The following ACTR3 variants were observed in gnomAD, a reference collection of about 807,000 sequenced individuals.
ACTR3 encodes the protein actin-related protein 3.
A neutral mutation model predicts 56.8 loss-of-function variants in ACTR3; 12 were observed. The ratio of observed to expected loss-of-function variants is 0.21; its 90% CI spans 0.14 to 0.34. The LOEUF is 0.34. Ranked by LOEUF, ACTR3 falls within the 10% of genes least tolerant of loss-of-function variation. The probability of loss-of-function intolerance (pLI) is 1.00; values close to 1 mark genes in which losing one functional copy is unlikely to be tolerated. For missense variants in ACTR3, 282 were observed against 512.5 expected (o/e 0.55, Z 4.34); for synonymous variants, 162 against 167.4 (o/e 0.97, Z 0.25).
intron 6 of ACTR3, among the ~76,000 whole-genome samples, chr2:113,936,865 C>G (rs1017677224): frequency 3.9e-5 from 6 of 152,152 alleles, no homozygotes; most frequent in Non-Finnish European, 8.8e-5. Context: ...TGTCCATCTT[C>G]TTTATATGTC....
At position 113,957,528 on chromosome 2, in the gene ACTR3, A is replaced by G. The variant is rs1384121140; in HGVS notation, c.*73A>G. The G allele has an allele frequency of 8.6e-6, 11 of 1,279,610 alleles. No individual in the cohort carries two copies. The highest frequency in any genetic ancestry group is 1.2e-5 in the Non-Finnish European group (11 of 883,264). 79.3% of individuals were successfully genotyped at this position (1,279,610 alleles called of 1,614,324 possible). ...CTTTCTGATTACCTGTTTTGTCTGG[A>G]TGGCTGGTTTTGAGGTTTTAAACCT... On this transcript the variant is annotated 3_prime_UTR_variant, in exon 12 of 12. Coordinates refer to ENST00000263238, the MANE Select transcript of ACTR3 (RefSeq NM_005721.5).
intron 1 of ACTR3, among the ~76,000 whole-genome samples, chr2:113,900,541 T>C (rs1679081722): frequency 6.6e-6 from 1 of 152,232 alleles, no homozygotes; most frequent in Admixed American, 6.5e-5. Flanking sequence ...AAGGAAGGCC[T>C]ATGGATAAAG....
intron 1 of ACTR3, among the ~76,000 whole-genome samples, chr2:113,909,954 G>T (rs143241414): frequency 1.3e-5 from 2 of 152,136 alleles, no homozygotes; most frequent in African/African-American, 2.4e-5. Flanking sequence ...GAGTTAGGCC[G>T]TTTGAAATTG....
chr2:113,936,490 T>G (rs1679830114), intron 6 of ACTR3, among the ~76,000 whole-genome samples: 1 of 152,202 alleles, frequency 6.6e-6, no homozygotes, highest in South Asian at 2.1e-4. Flanking sequence ...TGGGTTGTAG[T>G]AAACATCTTT....
At chr2:113,925,509 T>C (rs1406859224) in intron 3 of ACTR3, among the ~76,000 whole-genome samples, 1 of 152,230 alleles carries the variant, frequency 6.6e-6, no homozygotes, top group African/African-American at 2.4e-5. Context: ...ACTTTATTTT[T>C]TTTAAAAACC....
chr2:113,937,537 C>G (rs1038597853), intron 6 of ACTR3, among the ~76,000 whole-genome samples: 3 of 152,208 alleles, frequency 2.0e-5, no homozygotes, highest in African/African-American at 7.2e-5. Context: ...TAGTGCTGAT[C>G]TGCTGGCTTT....
chr2:113,928,128 A>G (rs560787717), intron 4 of ACTR3, among the ~76,000 whole-genome samples: 1 of 152,234 alleles, frequency 6.6e-6, no homozygotes, highest in East Asian at 1.9e-4. Flanking sequence ...CTCTCCCTCA[A>G]CACAAAATAC....
intron 3 of ACTR3, among the ~76,000 whole-genome samples, chr2:113,920,159 G>T (rs1033288727): frequency 2.6e-5 from 4 of 152,198 alleles, no homozygotes; most frequent in African/African-American, 9.7e-5. Flanking sequence ...CTGACTTCAG[G>T]TGATCTGCCC....
In ACTR3 at chr2:113,927,088, C is replaced by T. The variant is rs1574368354; in HGVS notation, c.226-257C>T. ...TAGAAAGACTAGTACAATGGTCTTC[C>T]ATGTAGATTTAACAGTTTTTAACAT... is the stretch of plus-strand genomic sequence containing the variant. On this transcript the variant is annotated intron_variant, in intron 3 of 11. Transcript: ENST00000263238. Among the ~76,000 whole-genome samples the T allele has an allele frequency of 2.0e-5, 3 of 152,234 alleles. No individual in the cohort carries two copies. The South Asian group carries it at 6.2e-4, about 32-fold the overall frequency.
At chr2:113,919,407 GA>G (rs922023285) in intron 3 of ACTR3, among the ~76,000 whole-genome samples, 1 of 151,840 alleles carries the variant, frequency 6.6e-6, no homozygotes, top group Non-Finnish European at 1.5e-5. Flanking sequence ...TTTATTTATG[GA>G]AAAAAACTTG....
At chr2:113,918,735 C>G (rs1679453598) in intron 3 of ACTR3, among the ~76,000 whole-genome samples, 1 of 152,044 alleles carries the variant, frequency 6.6e-6, no homozygotes, top group South Asian at 2.1e-4. Context: ...TTGTTATACT[C>G]TAGTGCTTTG....
intron 8 of ACTR3, 55 bp from the exon 9 acceptor site, chr2:113,951,422 TTG>T (rs1183467580): frequency 4.1e-6 from 5 of 1,219,194 alleles, no homozygotes; most frequent in Non-Finnish European, 6.0e-6. Context: ...TAACCTTTTA[TTG>T]TGATATTTGT....
intron 1 of ACTR3, among the ~76,000 whole-genome samples, chr2:113,906,912 A>T (rs1056474921): frequency 6.6e-6 from 1 of 152,020 alleles, no homozygotes; most frequent in Non-Finnish European, 1.5e-5. Flanking sequence ...CTTTTTCAGG[A>T]TTATTTTGGC....
chr2:113,899,791 A>G (rs1355573630), intron 1 of ACTR3, among the ~76,000 whole-genome samples: 1 of 152,216 alleles, frequency 6.6e-6, no homozygotes, highest in Non-Finnish European at 1.5e-5. Flanking sequence ...ATGCCCAGCA[A>G]ATATTTTACT....
intron 11 of ACTR3, among the ~76,000 whole-genome samples, chr2:113,955,965 T>C (rs964826666): frequency 6.6e-6 from 1 of 152,112 alleles, no homozygotes; most frequent in African/African-American, 2.4e-5. Flanking sequence ...TAGGTTACTC[T>C]TGAACTCCTG....
intron 3 of ACTR3, among the ~76,000 whole-genome samples, chr2:113,924,504 T>G (rs1303922415): frequency 2.6e-5 from 4 of 152,202 alleles, no homozygotes; most frequent in Non-Finnish European, 4.4e-5. Flanking sequence ...GCTATAATAG[T>G]CTTCCTAAAA....
intron 1 of ACTR3, among the ~76,000 whole-genome samples, chr2:113,900,327 TTC>T (rs1440213179): frequency 2.0e-5 from 3 of 152,208 alleles, no homozygotes; most frequent in Non-Finnish European, 4.4e-5. Context: ...CTAATTTACT[TTC>T]TGTCTTTATG....
In ACTR3 at chr2:113,940,032, A is replaced by G; in HGVS notation, c.614A>G (p.Gln205Arg). 1.2e-6 allele frequency: 2 copies of G among 1,613,472 alleles called. No individual in the cohort carries two copies. Among genetic ancestry groups the G allele is most frequent in the Non-Finnish European group, 1.7e-6 (2 of 1,179,608 alleles). The change falls in exon 7 of 12, where the codon CAG (glutamine) becomes CGG (arginine). Residue 205 changes from glutamine (Q) to arginine (R), a missense_variant. Transcript: ENST00000263238. ...IAGRDITYFIQQLLRDREVGI... is the reference protein window; with the variant it reads ...IAGRDITYFIRQLLRDREVGI... ...GGACGAGATATAACATATTTTATTC[A>G]GCAACTGCTGAGAGACCGAGAAGTA...
intron 6 of ACTR3, among the ~76,000 whole-genome samples, chr2:113,936,302 C>CAAAAAAA (rs61526382): frequency 1.3e-5 from 1 of 78,248 alleles, no homozygotes; most frequent in African/African-American, 4.6e-5. Context: ...ACCCTGTCTC[C>CAAAAAAA]AAAAAAAAAA....
Sources: allele counts gnomAD v4.1 joint callset (sites outside exome capture counted in the v4.1 genomes callset), GRCh38; gene constraint gnomAD v4.1.1; transcripts MANE v1.5; gene names NCBI Gene and HGNC (gene_info 2026-07-23, HGNC 2026-07-21).